The following TENM2 variants were observed in gnomAD, a reference collection of about 807,000 sequenced individuals.
TENM2 encodes teneurin-2.
In TENM2, 52 loss-of-function variants were observed where a neutral mutation model predicts 245.2. The observed-to-expected ratio is 0.21, with a 90% CI of 0.17 to 0.27. The LOEUF (loss-of-function observed/expected upper bound fraction) is 0.27. Among genes scored for constraint, TENM2 ranks in the 10% least tolerant of loss-of-function variants. The pLI is 1.00. For missense variants in TENM2, 3,046 were observed against 3,666.8 expected (o/e 0.83, Z 4.37); for synonymous variants, 1,363 against 1,438.9 (o/e 0.95, Z 1.19).
At chr5:167,115,322 C>T in the TENM2 span, among the ~76,000 whole-genome samples, 1 of 152,268 alleles carries the variant, frequency 6.6e-6, no homozygotes, top group East Asian at 1.9e-4. Context: ...TCTGAGGGCA[C>T]CTGCCTTGAC....
chr5:167,470,900 T>C (rs966761581), intron 2 of TENM2, among the ~76,000 whole-genome samples: 10 of 152,250 alleles, frequency 6.6e-5, no homozygotes, highest in South Asian at 2.1e-4. Flanking sequence ...GTTTGGCAGC[T>C]TAGTATGGAA....
the TENM2 span, among the ~76,000 whole-genome samples, chr5:166,979,210 CAGCAGCAGCAGCAGCAGCAGCAGCA>C: frequency 6.8e-6 from 1 of 147,140 alleles, no homozygotes; most frequent in Non-Finnish European, 1.5e-5. Flanking sequence ...GCAGCAGCAG[CAGCAGCAGCAGCAGCAGCAGCAGCA>C]GCCGCCGCGG....
intron 2 of TENM2, among the ~76,000 whole-genome samples, chr5:167,609,598 T>C (rs960312000): frequency 4.0e-5 from 6 of 149,908 alleles, no homozygotes; most frequent in African/African-American, 1.5e-4. Context: ...CTGCCCTTTA[T>C]AAGGTCAAGT....
the TENM2 span, among the ~76,000 whole-genome samples, chr5:167,224,022 G>A: frequency 3.5e-4 from 53 of 152,040 alleles, no homozygotes; most frequent in Non-Finnish European, 6.8e-4. Flanking sequence ...TCTTTGCCCC[G>A]CTTTTTAATG....
chr5:168,216,632 G>A, intron 21 of TENM2, 136 bp from the exon 24 acceptor site: 2 of 776,024 alleles, frequency 2.6e-6, no homozygotes. Flanking sequence ...GAGAACCACT[G>A]CTCTGAGGGT....
At chr5:167,459,998 G>C (rs535877751) in intron 2 of TENM2, among the ~76,000 whole-genome samples, 1 of 151,698 alleles carries the variant, frequency 6.6e-6, no homozygotes, top group East Asian at 1.9e-4. Context: ...ATAAACTTTT[G>C]TGTCTTTTAT....
chr5:167,146,443 G>A, the TENM2 span, among the ~76,000 whole-genome samples: 3 of 152,088 alleles, frequency 2.0e-5, no homozygotes, highest in Non-Finnish European at 2.9e-5. Flanking sequence ...TGTAACGCAG[G>A]TTCGGTTCTT....
chr5:167,216,865 T>C, the TENM2 span, among the ~76,000 whole-genome samples: 3 of 151,828 alleles, frequency 2.0e-5, no homozygotes, highest in African/African-American at 7.3e-5. Context: ...AGGAGGAGGT[T>C]GCAGTAAGTC....
intron 2 of TENM2, among the ~76,000 whole-genome samples, chr5:167,845,239 CCACACACACA>C (rs55784312): frequency 0.013 from 1,267 of 96,968 alleles, 27 homozygotes; most frequent in Middle Eastern, 0.022. Flanking sequence ...CCCTCCCGCG[CCACACACACA>C]CACACACACA....
chr5:167,997,403 C>T (rs1293946775), intron 5 of TENM2, among the ~76,000 whole-genome samples: 1 of 152,224 alleles, frequency 6.6e-6, no homozygotes, highest in African/African-American at 2.4e-5. Flanking sequence ...CCTGAATCAT[C>T]TTCTAACGCA....
chr5:167,917,083 A>T (rs538376728), intron 3 of TENM2, among the ~76,000 whole-genome samples: 1 of 152,216 alleles, frequency 6.6e-6, no homozygotes, highest in African/African-American at 2.4e-5. Context: ...ACTGTCAGGC[A>T]TCAGATGCAC....
At chr5:167,451,766 C>T (rs1024555299) in intron 2 of TENM2, among the ~76,000 whole-genome samples, 1 of 151,988 alleles carries the variant, frequency 6.6e-6, no homozygotes, top group East Asian at 1.9e-4. Context: ...CTTCTGCCTC[C>T]GCCTCCCAAG....
intron 25 of TENM2, among the ~76,000 whole-genome samples, chr5:168,228,584 T>G (rs1364203218): frequency 6.8e-6 from 1 of 146,252 alleles, no homozygotes; most frequent in African/African-American, 2.5e-5. Context: ...AACAAAACTT[T>G]TAAAGTATGT....
At chr5:167,428,979 C>T in intron 2 of TENM2, among the ~76,000 whole-genome samples, 1 of 152,144 alleles carries the variant, frequency 6.6e-6, no homozygotes, top group East Asian at 1.9e-4. Flanking sequence ...TCCTAATGTC[C>T]TTTAAGTGTT....
intron 4 of TENM2, among the ~76,000 whole-genome samples, chr5:167,954,514 C>T (rs959654216): frequency 3.3e-5 from 5 of 152,132 alleles, no homozygotes; most frequent in Non-Finnish European, 7.4e-5. Flanking sequence ...ATGTGCAGAA[C>T]GTGCAGGTTC....
chr5:167,061,139 A>C, the TENM2 span, among the ~76,000 whole-genome samples: 1 of 151,890 alleles, frequency 6.6e-6, no homozygotes, highest in Non-Finnish European at 1.5e-5. Flanking sequence ...CGCACCCCCC[A>C]CACACGCACA....
chr5:167,187,271 T>A, the TENM2 span, among the ~76,000 whole-genome samples: 2 of 152,188 alleles, frequency 1.3e-5, no homozygotes, highest in South Asian at 2.1e-4. Flanking sequence ...ATGAGTGACC[T>A]GACTTTTAGG....
chr5:167,089,547 A>G, the TENM2 span, among the ~76,000 whole-genome samples: 449 of 152,174 alleles, frequency 3.0e-3, 6 homozygotes, highest in East Asian at 0.042. Flanking sequence ...ATTGTTTTTT[A>G]TTTTATGTGA....
At chr5:167,192,934 A>C in the TENM2 span, among the ~76,000 whole-genome samples, 1 of 152,016 alleles carries the variant, frequency 6.6e-6, no homozygotes, top group South Asian at 2.1e-4. Context: ...CAAAGGATGT[A>C]AGGAGGGAGG....
Sources: gnomAD v4.1 joint callset for allele counts (sites outside exome capture counted in the v4.1 genomes callset) on GRCh38, gnomAD v4.1.1 for gene constraint, MANE v1.5 for transcripts, NCBI Gene and HGNC (gene_info 2026-07-23, HGNC 2026-07-21) for gene names.